Variants in PLXNA4 observed in about 807,000 individuals in gnomAD.
The protein encoded by PLXNA4 is plexin A4.
PLXNA4 carries 44 observed loss-of-function variants against 191.8 expected under a neutral mutation model. That is an observed-to-expected ratio of 0.23 (90% confidence interval 0.18 to 0.29). The LOEUF is 0.29. PLXNA4 is among the 10% of genes least tolerant of loss of function. The pLI, the probability that PLXNA4 is intolerant of heterozygous loss-of-function variation, is 1.00. For synonymous variants in PLXNA4, 1,082 were observed against 1,009.5 expected, an observed-to-expected ratio of 1.07 and a Z score of -1.36; for missense variants, 1,800 against 2,488.8, an observed-to-expected ratio of 0.72 and a Z score of 5.89.
intron 3 of PLXNA4, among the ~76,000 whole-genome samples, chr7:132,435,789 A>C (rs1795448633): frequency 6.6e-6 from 1 of 152,098 alleles, no homozygotes; most frequent in Non-Finnish European, 1.5e-5. Flanking sequence ...CCCTTCCTAC[A>C]CATTGGAGTA....
intron 1 of PLXNA4, among the ~76,000 whole-genome samples, chr7:132,539,336 C>T (rs938048768): frequency 3.3e-5 from 5 of 152,220 alleles, no homozygotes; most frequent in Non-Finnish European, 7.3e-5. Context: ...GCTCACAATA[C>T]ATTCCAAATT....
At chr7:132,288,515 T>A (rs1318420569) in intron 4 of PLXNA4, among the ~76,000 whole-genome samples, 1 of 152,190 alleles carries the variant, frequency 6.6e-6, no homozygotes, top group Non-Finnish European at 1.5e-5. Context: ...TTTTTGTGAA[T>A]GTCTGAGGTG....
At chr7:132,337,282 A>C (rs1024131267) in intron 3 of PLXNA4, among the ~76,000 whole-genome samples, 1 of 152,238 alleles carries the variant, frequency 6.6e-6, no homozygotes, top group African/African-American at 2.4e-5. Context: ...GTGCAAATAA[A>C]AACTGGCAAG....
intron 2 of PLXNA4, among the ~76,000 whole-genome samples, chr7:132,591,616 T>G (rs1314335415): frequency 6.6e-6 from 1 of 152,180 alleles, no homozygotes; most frequent in Non-Finnish European, 1.5e-5. Context: ...CTCAAAAAAT[T>G]TACTGGTAAG....
intron 25 of PLXNA4, among the ~76,000 whole-genome samples, chr7:132,152,154 C>T (rs889163580): frequency 4.6e-5 from 7 of 152,208 alleles, no homozygotes; most frequent in Non-Finnish European, 8.8e-5. Flanking sequence ...AGCCATAGAG[C>T]TCTACTGAGT....
At chr7:132,597,857 C>A (rs62465207) in intron 2 of PLXNA4, among the ~76,000 whole-genome samples, 1,276 of 58,132 alleles carry the variant, frequency 0.022, 15 homozygotes, top group South Asian at 0.037. Flanking sequence ...CTCTCTCTCT[C>A]TCTATATATA....
chr7:132,210,951 T>G lies in PLXNA4; in HGVS notation c.2290A>C (p.Asn764His), dbSNP rs746507226. ...AGGGTTGGGCGACTCACAGAGGTGT[T>G]CTGGCACTGTACGCTGGAGCTGTTG... ...RFNSSSVQCQNTSYSYEGMEI... is the reference protein window; with the variant it reads ...RFNSSSVQCQHTSYSYEGMEI... The change falls in exon 10 of 32, where the codon AAC (asparagine) becomes CAC (histidine). Residue 764 changes from asparagine to histidine, a missense_variant. This residue lies in a region of PLXNA4 where 1,397 missense variants were observed against 1,880.4 expected (regional missense o/e 0.74). Transcript: ENST00000321063. 1.4e-5 allele frequency: 23 copies of G among 1,612,012 alleles called. No individual in the cohort carries two copies. The highest frequency in any genetic ancestry group is 1.8e-5 in the Non-Finnish European group (21 of 1,179,840).
chr7:132,398,647 A>T (rs1793857207), intron 3 of PLXNA4, among the ~76,000 whole-genome samples: 1 of 152,210 alleles, frequency 6.6e-6, no homozygotes, highest in Non-Finnish European at 1.5e-5. Context: ...AGCAGCACTC[A>T]CTGAGGCCAT....
chr7:132,306,839 T>A (rs1801541726), intron 3 of PLXNA4, among the ~76,000 whole-genome samples: 1 of 152,090 alleles, frequency 6.6e-6, no homozygotes, highest in African/African-American at 2.4e-5. Flanking sequence ...GAATTTTCCC[T>A]TTCTCATTCT....
rs1163491484 is a variant in PLXNA4 at position 132,156,533 on chromosome 7, C to T, written c.4660+2940G>A. Among the ~76,000 whole-genome samples, 5 of 152,250 alleles carry T rather than the reference C, an allele frequency of 3.3e-5. No individual in the cohort carries two copies. The East Asian group carries it at 7.7e-4, about 24-fold the overall frequency. On this transcript the variant is annotated intron_variant, in intron 25 of 31. Coordinates refer to ENST00000321063, the MANE Select transcript of PLXNA4 (RefSeq NM_020911.2). ...TCCTGCCGTGCCAGGGGCTGGGCATCAGGAGAGGGAAGGCAGCCTTTGCTG... is the reference window on the plus strand; with the variant it reads ...TCCTGCCGTGCCAGGGGCTGGGCATTAGGAGAGGGAAGGCAGCCTTTGCTG...
intron 9 of PLXNA4, among the ~76,000 whole-genome samples, chr7:132,223,292 G>A (rs2116955872): frequency 6.6e-6 from 1 of 152,298 alleles, no homozygotes; most frequent in Middle Eastern, 3.4e-3. Flanking sequence ...TGGTTGGAGT[G>A]ACCTGGAATA....
At chr7:132,312,684 T>G (rs1180537159) in intron 3 of PLXNA4, among the ~76,000 whole-genome samples, 1 of 152,234 alleles carries the variant, frequency 6.6e-6, no homozygotes, top group Non-Finnish European at 1.5e-5. Flanking sequence ...TACGCAGCTC[T>G]GCCAGGACCT....
intron 1 of PLXNA4, among the ~76,000 whole-genome samples, chr7:132,517,721 G>T (rs1244592341): frequency 6.6e-6 from 1 of 152,166 alleles, no homozygotes; most frequent in Non-Finnish European, 1.5e-5. Flanking sequence ...AGAGGAGATG[G>T]CCAAGCTAAC....
chr7:132,312,346 A>G lies in PLXNA4; in HGVS notation c.1372-14124T>C, dbSNP rs1008673028. Among the ~76,000 whole-genome samples the G allele has an allele frequency of 2.0e-5, 3 of 152,024 alleles. No individual in the cohort carries two copies. In the East Asian group the frequency reaches 5.8e-4, roughly 29 times the overall value. On this transcript the variant is annotated intron_variant, in intron 3 of 31. Coordinates refer to ENST00000321063, the MANE Select transcript of PLXNA4 (RefSeq NM_020911.2). ...GTGTTTCACAGCAATTAAACTATTG[A>G]TCTCCCAGCTCTGAGGCACTGAGCA... is the stretch of plus-strand genomic sequence containing the variant.
intron 2 of PLXNA4, among the ~76,000 whole-genome samples, chr7:132,490,423 CTTT>C (rs35467841): frequency 4.5e-5 from 5 of 110,504 alleles, no homozygotes; most frequent in Admixed American, 2.2e-4. Flanking sequence ...CCTTTTCTTC[CTTT>C]TTTTTTTTTT....
At chr7:132,637,077 G>C (rs1563200812) in intron 2 of PLXNA4, among the ~76,000 whole-genome samples, 1 of 152,328 alleles carries the variant, frequency 6.6e-6, no homozygotes, top group East Asian at 1.9e-4. Context: ...GGAATGCAGA[G>C]ATAGATGGCT....
At chr7:132,460,217 GCA>G (rs1477911394) in intron 3 of PLXNA4, among the ~76,000 whole-genome samples, 1 of 151,974 alleles carries the variant, frequency 6.6e-6, no homozygotes, top group African/African-American at 2.4e-5. Context: ...ACTTAGGCAG[GCA>G]CAGTGGTACA....
At chr7:132,329,262 A>G (rs1414217963) in intron 3 of PLXNA4, among the ~76,000 whole-genome samples, 1 of 152,156 alleles carries the variant, frequency 6.6e-6, no homozygotes, top group Non-Finnish European at 1.5e-5. Context: ...ATCCAGCTCC[A>G]GCCTTACCCT....
upstream of PLXNA4, among the ~76,000 whole-genome samples, chr7:132,579,644 G>C (rs527688970): frequency 1.3e-5 from 2 of 151,754 alleles, no homozygotes; most frequent in South Asian, 4.2e-4. Context: ...GGTGCCTGAA[G>C]AGTAATAACA....
Sources: gnomAD v4.1 joint callset for allele counts (sites outside exome capture counted in the v4.1 genomes callset) on GRCh38, gnomAD v4.1.1 for gene constraint, gnomAD v4.1.1 regional missense constraint, MANE v1.5 for transcripts, NCBI Gene and HGNC (gene_info 2026-07-23, HGNC 2026-07-21) for gene names.